The following RBM4 variants were observed in gnomAD, a reference collection of about 807,000 sequenced individuals.
RBM4 encodes RNA-binding protein 4.
Under a neutral mutation model 29.5 loss-of-function variants are expected in RBM4, and 7 were observed. The observed-to-expected ratio is 0.24, with a 90% confidence interval of 0.14 to 0.45. The LOEUF is 0.45. Ranked by LOEUF, RBM4 falls within the 20% of genes least tolerant of loss-of-function variation. RBM4 has a pLI of 1.00. For synonymous variants in RBM4, 220 were observed against 205.4 expected, an observed-to-expected ratio of 1.07 and a Z score of -0.61; for missense variants, 387 against 502.3, an observed-to-expected ratio of 0.77 and a Z score of 2.19.
Position 66,644,744 on chromosome 11 carries a change from G to A in RBM4, c.*8+604G>A, listed in dbSNP as rs1938618892. ...TGAGTTTTATAGAACTTATTTGATG[G>A]TAAGTTGGGGTAGAGAGAAATACAA... On this transcript the variant is annotated intron_variant, in intron 3 of 3. Coordinates refer to ENST00000310092, the MANE Select transcript of RBM4 (RefSeq NM_002896.4). 3.7e-5 allele frequency: 34 copies of A among 928,180 alleles called. No individual in the cohort carries two copies. The South Asian group carries it at 1.5e-3, about 41-fold the overall frequency. 57.5% of individuals were successfully genotyped at this position (928,180 alleles called of 1,614,324 possible). A position where few individuals can be genotyped will look rare whatever the true frequency, so the allele number is the denominator to read the frequency against.
At chr11:66,650,659 C>G (rs930946827), downstream of RBM4, among the ~76,000 whole-genome samples, 10 of 151,670 alleles carry the variant, frequency 6.6e-5, no homozygotes, top group African/African-American at 2.4e-4. Context: ...GTCAGGAGAT[C>G]AAGACCATCC....
chr11:66,641,403 TAAAGA>T (rs1238597881), intron 2 of RBM4, among the ~76,000 whole-genome samples: 1 of 152,220 alleles, frequency 6.6e-6, no homozygotes, highest in Non-Finnish European at 1.5e-5. Context: ...TGTGCGTTAG[TAAAGA>T]AAAGTGACAC....
downstream of RBM4, among the ~76,000 whole-genome samples, chr11:66,646,710 A>G (rs757648640): frequency 6.6e-6 from 1 of 152,124 alleles, no homozygotes; most frequent in African/African-American, 2.4e-5. Context: ...AAAACCAACT[A>G]CTTTTAGTTT....
intron 2 of RBM4, among the ~76,000 whole-genome samples, chr11:66,655,386 C>T (rs1039995219): frequency 7.2e-5 from 11 of 151,772 alleles, no homozygotes; most frequent in African/African-American, 2.7e-4. Flanking sequence ...ACCTCCCAGT[C>T]TCAGTTGGTC....
At chr11:66,666,323 T>C (rs1939229824) in exon 3 of RBM4, 10 of 1,040,844 alleles carry the variant, frequency 9.6e-6, no homozygotes, top group Non-Finnish European at 1.2e-5. Context: ...GGTCTTGATC[T>C]GTGCCAATCG....
chr11:66,644,719 T>G (rs1235253001), intron 3 of RBM4: 1 of 971,720 alleles, frequency 1.0e-6, no homozygotes, highest in Admixed American at 6.1e-5. Flanking sequence ...TCAACCCTTA[T>G]GAGTTTTATA....
chr11:66,640,290 G>C, intron 2 of RBM4, 167 bp downstream of exon 2: 1 of 917,598 alleles, frequency 1.1e-6, no homozygotes, highest in South Asian at 1.6e-5. Context: ...ATGGGACTTA[G>C]GGGCTTTACC....
downstream of RBM4, among the ~76,000 whole-genome samples, chr11:66,647,112 G>A (rs555111653): frequency 3.9e-5 from 6 of 152,292 alleles, no homozygotes; most frequent in Non-Finnish European, 8.8e-5. Flanking sequence ...AAGAACTGCC[G>A]CCTCAGCCTC....
chr11:66,659,944 T>C (rs1447608337), intron 2 of RBM4, among the ~76,000 whole-genome samples: 1 of 150,956 alleles, frequency 6.6e-6, no homozygotes, highest in African/African-American at 2.5e-5. Context: ...TTTCGTTACT[T>C]AGAACCTTTC....
intron 2 of RBM4, among the ~76,000 whole-genome samples, chr11:66,663,960 A>C (rs548878012): frequency 6.6e-6 from 1 of 152,152 alleles, no homozygotes; most frequent in South Asian, 2.1e-4. Flanking sequence ...TGTCTCAAGA[A>C]TCTGGCTAAC....
At chr11:66,656,339 A>G (rs982119469) in intron 2 of RBM4, among the ~76,000 whole-genome samples, 2 of 151,968 alleles carry the variant, frequency 1.3e-5, no homozygotes, top group African/African-American at 4.8e-5. Context: ...ACAGGGTTTC[A>G]CTGTGTTGGC....
intron 2 of RBM4, chr11:66,665,318 A>G: frequency 1.9e-6 from 1 of 525,342 alleles, no homozygotes. Context: ...CTGCACAGGA[A>G]AAAGGGGATG....
chr11:66,643,837 CCT>C lies in RBM4; in HGVS notation c.806_807del (p.Leu269ArgfsTer5), dbSNP rs1938571683. 1.9e-6 allele frequency: 3 copies of C among 1,613,886 alleles called. No individual in the cohort carries two copies. Among genetic ancestry groups the C allele is most frequent in the African/African-American group, 1.3e-5 (1 of 74,886 alleles). On this transcript the variant is annotated frameshift_variant, in exon 3 of 4. Transcript: ENST00000310092. LOFTEE classifies it high-confidence loss of function. The surrounding 1 kb of genome is among the most constrained non-coding windows in gnomAD (Gnocchi z 6.1). ...GCCATGGCCAGTCACCTCACCTCCA[CCT>C]CTCTCGATCCCTACGATAGACACCT...
At position 66,646,235 on chromosome 11, in the gene RBM4, C is replaced by A; in HGVS notation, c.*217C>A. On this transcript the variant is annotated 3_prime_UTR_variant, in exon 4 of 4. Coordinates refer to ENST00000310092, the MANE Select transcript of RBM4 (RefSeq NM_002896.4). ...TTTCCTGTTCTTCTGTCCTTCAATA[C>A]TTCTGTAGCTTCCCATTCATGTTCT... 3 of 1,427,304 alleles carry A rather than the reference C, an allele frequency of 2.1e-6. No individual in the cohort carries two copies. The highest frequency in any genetic ancestry group is 2.7e-6 in the Non-Finnish European group (3 of 1,091,268). The allele number at this position is 1,427,304 out of a possible 1,614,324, so 88.4% of individuals were successfully genotyped here.
intron 2 of RBM4, among the ~76,000 whole-genome samples, chr11:66,658,605 A>G (rs1939006357): frequency 6.6e-6 from 1 of 151,956 alleles, no homozygotes; most frequent in African/African-American, 2.4e-5. Flanking sequence ...CCAGAGACAT[A>G]TACAGTGCTG....
Position 66,643,349 on chromosome 11 carries a change from G to T in RBM4, c.413-101G>T. 2.9e-6 allele frequency: 4 copies of T among 1,378,968 alleles called. No individual in the cohort carries two copies. The highest frequency in any genetic ancestry group is 1.5e-5 in the South Asian group (1 of 67,954). 85.4% of individuals were successfully genotyped at this position (1,378,968 alleles called of 1,614,324 possible). A position where few individuals can be genotyped will look rare whatever the true frequency, so the allele number is the denominator to read the frequency against. ...TTTCCTAAAGATGAGTCCTGCATTA[G>T]AATTGTCTAGATAAAGCCATTGCTA... is the stretch of plus-strand genomic sequence containing the variant. On this transcript the variant is annotated intron_variant, in intron 2 of 3. Transcript: ENST00000310092. The surrounding 1 kb of genome is among the most constrained non-coding windows in gnomAD (Gnocchi z 6.1).
intron 2 of RBM4, among the ~76,000 whole-genome samples, chr11:66,662,505 G>A (rs935120652): frequency 6.6e-6 from 1 of 152,010 alleles, no homozygotes. Flanking sequence ...GGGTTCAAGC[G>A]ATTCTTGTGC....
chr11:66,665,766 A>G (rs1268309038), intron 2 of RBM4: 8 of 1,304,152 alleles, frequency 6.1e-6, no homozygotes, highest in Non-Finnish European at 8.3e-6. Flanking sequence ...TATATATAGG[A>G]ATCCACTTAT....
chr11:66,643,673 C>T lies in RBM4; in HGVS notation c.636C>T (p.Asn212=). The T allele has an allele frequency of 6.2e-7, 1 of 1,614,174 alleles. No individual in the cohort carries two copies. The change falls in exon 3 of 4, where the codon AAC becomes AAT. Residue 212 remains asparagine, a synonymous_variant. Coordinates refer to ENST00000310092, the MANE Select transcript of RBM4 (RefSeq NM_002896.4). This position sits in a 1 kb window ranked among gnomAD's most constrained non-coding sequence, Gnocchi z 6.1. ...GCTATGGGGATTCATTGTATTACAA[C>T]AACGCGTACGGAGCGCTCGATGCCT... ...TMSYGDSLYY[N]NAYGALDAYY...
Sources: gnomAD v4.1 joint callset for allele counts (sites outside exome capture counted in the v4.1 genomes callset) on GRCh38, gnomAD v4.1.1 for gene constraint, Gnocchi (gnomAD v3.1) non-coding constraint, MANE v1.5 for transcripts, NCBI Gene and HGNC (gene_info 2026-07-23, HGNC 2026-07-21) for gene names.